The following MGRN1 variants were observed in gnomAD, a reference collection of about 807,000 sequenced individuals.
MGRN1 encodes the protein E3 ubiquitin-protein ligase MGRN1.
Under a neutral mutation model 69.2 loss-of-function variants are expected in MGRN1, and 29 were observed. The observed-to-expected ratio is 0.42, with a 90% confidence interval of 0.31 to 0.57. The LOEUF (loss-of-function observed/expected upper bound fraction) is 0.57, where lower values mean the gene tolerates loss of function less well. Among genes scored for constraint, MGRN1 ranks in the 20% least tolerant of loss-of-function variants. MGRN1 has a pLI of 0.15. For synonymous variants in MGRN1, 470 were observed against 344.2 expected (o/e 1.37, Z -4.04); for missense variants, 998 against 796.2 (o/e 1.25, Z -3.05).
chr16:4,628,921 C>T (rs1897842702), intron 1 of MGRN1, among the ~76,000 whole-genome samples: 1 of 152,144 alleles, frequency 6.6e-6, no homozygotes, highest in South Asian at 2.1e-4. Context: ...ACTGCAACCT[C>T]TGCCTCCTGG....
At chr16:4,641,929 A>T (rs895931835) in intron 1 of MGRN1, among the ~76,000 whole-genome samples, 4 of 151,918 alleles carry the variant, frequency 2.6e-5, no homozygotes, top group African/African-American at 9.7e-5. Flanking sequence ...TGCTGGGATT[A>T]TAGGCGTGAG....
At chr16:4,660,034 C>T (rs549266238) in intron 5 of MGRN1, among the ~76,000 whole-genome samples, 1 of 152,198 alleles carries the variant, frequency 6.6e-6, no homozygotes. Context: ...AGGAGGGAGA[C>T]GCTTCCCCGA....
chr16:4,672,816 C>T (rs1411967068), intron 9 of MGRN1, among the ~76,000 whole-genome samples: 6 of 152,182 alleles, frequency 3.9e-5, no homozygotes, highest in Non-Finnish European at 1.5e-5. Flanking sequence ...ATACTTCTAA[C>T]ATATTAACTT....
intron 12 of MGRN1, chr16:4,680,420 C>G (rs1255458542): frequency 6.3e-6 from 2 of 316,310 alleles, no homozygotes; most frequent in South Asian, 3.5e-5. Context: ...GTCGCTGCTG[C>G]GTTTTGCAAT....
At position 4,681,576 on chromosome 16, in the gene MGRN1, C is replaced by T. The variant is rs376085807; in HGVS notation, c.1158C>T (p.Tyr386=). 81 of 1,613,164 alleles carry T rather than the reference C, an allele frequency of 5.0e-5. No homozygotes were observed. The highest frequency in any genetic ancestry group is 1.6e-4 in the Middle Eastern group (1 of 6,082). The change falls in exon 13 of 17, where the codon TAC becomes TAT. Residue 386 remains tyrosine, a synonymous_variant. Coordinates refer to ENST00000262370, the MANE Select transcript of MGRN1 (RefSeq NM_015246.4). ...ACTCTGACAGCGTCCCACCTGGCTA[C>T]GAGCCCATCTCGCTGCTCGAGGCGC... The part of the protein sequence containing the change: ...ETNSDSVPPG[Y]EPISLLEALN...
intron 1 of MGRN1, among the ~76,000 whole-genome samples, chr16:4,646,089 G>A (rs935741345): frequency 6.6e-6 from 1 of 151,606 alleles, no homozygotes; most frequent in African/African-American, 2.4e-5. Flanking sequence ...TGAGGGTCGG[G>A]ATTGGGAGCG....
chr16:4,682,880 G>T lies in MGRN1; in HGVS notation c.1416G>T (p.Glu472Asp). The T allele has an allele frequency of 6.2e-7, 1 of 1,609,870 alleles. No individual in the cohort carries two copies. Among genetic ancestry groups the T allele is most frequent in the Non-Finnish European group, 8.5e-7 (1 of 1,177,120 alleles). ...AAGAGGATGAGGAGAAGCTCTCCGA[G>T]GACGTGGACGCCCCTCCCCCACTGG... ...IHEEDEEKLS[E>D]DVDAPPPLGG... The change falls in exon 14 of 17, where the codon GAG becomes GAT. Residue 472 changes from glutamate to aspartate, a missense_variant. Physicochemically the swap from Glu to Asp is conservative, Grantham distance 45 (BLOSUM62 2). Transcript: ENST00000262370.
rs752727879 is a variant in MGRN1 at position 4,650,387 on chromosome 16, T to C, written c.111T>C (p.Phe37=). 5 of 1,613,308 alleles carry C rather than the reference T, an allele frequency of 3.1e-6. No individual in the cohort carries two copies. Among genetic ancestry groups the C allele is most frequent in the Non-Finnish European group, 4.2e-6 (5 of 1,179,716 alleles). Residue 37 remains phenylalanine, a synonymous_variant, in exon 2 of 17, where the codon TTT becomes TTC. Coordinates refer to ENST00000262370, the MANE Select transcript of MGRN1 (RefSeq NM_015246.4). ...PKSGNYFASH[F]FMGGEKFDTP... ...CAGGAAACTACTTTGCTTCGCACTT[T>C]TTCATGGGAGGAGAGAAATTCGACA...
At chr16:4,638,058 G>A (rs964625198) in intron 1 of MGRN1, among the ~76,000 whole-genome samples, 6 of 152,348 alleles carry the variant, frequency 3.9e-5, no homozygotes, top group Admixed American at 2.6e-4. Context: ...TGGGAGGTCC[G>A]AAAGGGACTT....
Position 4,688,703 on chromosome 16 carries a change from G to A in MGRN1, c.1619-93G>A, listed in dbSNP as rs2079390940. On this transcript the variant is annotated intron_variant, in intron 16 of 16. Coordinates refer to ENST00000262370, the MANE Select transcript of MGRN1 (RefSeq NM_015246.4). Reference sequence around the variant, plus strand: ...GCGGCGGGAGTGGGGGTGCTGGATGGCCCAGCCCCTCTGGGGCTCCAGATC... The same window carrying A: ...GCGGCGGGAGTGGGGGTGCTGGATGACCCAGCCCCTCTGGGGCTCCAGATC... 5.4e-6 allele frequency: 8 copies of A among 1,469,502 alleles called. No homozygotes were observed. In the Admixed American group the frequency reaches 1.7e-4, roughly 31 times the overall value. The allele number at this position is 1,469,502 out of a possible 1,614,324, so 91.0% of individuals were successfully genotyped here. A position where few individuals can be genotyped will look rare whatever the true frequency, so the allele number is the denominator to read the frequency against.
chr16:4,644,468 G>A (rs1340214016), intron 1 of MGRN1, among the ~76,000 whole-genome samples: 2 of 151,658 alleles, frequency 1.3e-5, no homozygotes, highest in Non-Finnish European at 2.9e-5. Context: ...ACACCACCAC[G>A]CCTGGGTAAT....
At chr16:4,627,148 G>A (rs936110285) in intron 1 of MGRN1, among the ~76,000 whole-genome samples, 22 of 152,318 alleles carry the variant, frequency 1.4e-4, no homozygotes, top group Non-Finnish European at 1.9e-4. Flanking sequence ...AGGGCAGACC[G>A]GGGACCGTGG....
chr16:4,637,011 T>G (rs977769865), intron 1 of MGRN1, among the ~76,000 whole-genome samples: 1 of 148,088 alleles, frequency 6.8e-6, no homozygotes, highest in African/African-American at 2.5e-5. Context: ...CCCAGCTACT[T>G]GGGAGGCTGA....
At chr16:4,666,417 C>G (rs1236682253) in intron 7 of MGRN1, among the ~76,000 whole-genome samples, 2 of 152,320 alleles carry the variant, frequency 1.3e-5, no homozygotes, top group Admixed American at 1.3e-4. Flanking sequence ...CAAGCGTGAG[C>G]CACCGTACCT....
intron 7 of MGRN1, 47 bp downstream of exon 7, chr16:4,665,198 C>T (rs1567212045): frequency 1.9e-6 from 3 of 1,605,054 alleles, no homozygotes; most frequent in Admixed American, 1.7e-5. Flanking sequence ...GGGAGCTGGG[C>T]AGGGGGTGGC....
Position 4,690,629 on chromosome 16 carries a change from C to T in MGRN1, c.*1721C>T, listed in dbSNP as rs746334671. The T allele has an allele frequency of 6.6e-6, 1 of 152,386 alleles. No individual in the cohort carries two copies. The highest frequency in any genetic ancestry group is 1.5e-5 in the Non-Finnish European group (1 of 68,122). 9.4% of individuals were successfully genotyped at this position (152,386 alleles called of 1,614,324 possible). A position where few individuals can be genotyped will look rare whatever the true frequency, so the allele number is the denominator to read the frequency against. On this transcript the variant is annotated 3_prime_UTR_variant, in exon 17 of 17. Transcript: ENST00000262370. ...TCACACATGCACACTCACGCTCACA[C>T]ATGCTGTCACGCATACACACACGCA...
At chr16:4,641,771 G>A (rs554026037) in intron 1 of MGRN1, among the ~76,000 whole-genome samples, 172 of 151,770 alleles carry the variant, frequency 1.1e-3, no homozygotes, top group Middle Eastern at 3.4e-3. Flanking sequence ...CGCCTGCCTC[G>A]GCCTCCCAAA....
intron 5 of MGRN1, among the ~76,000 whole-genome samples, chr16:4,662,923 A>T (rs2078715097): frequency 6.6e-6 from 1 of 152,170 alleles, no homozygotes; most frequent in African/African-American, 2.4e-5. Flanking sequence ...TGCTGCAGAC[A>T]TGGAGGGGCT....
rs757204916 is a variant in MGRN1 at position 4,664,742 on chromosome 16, G to A, written c.595G>A (p.Val199Ile). ...NFDLDRGVFPVVIQAVVDEGD... is the reference protein window; with the variant it reads ...NFDLDRGVFPIVIQAVVDEGD... ...TGACCTGGACCGGGGCGTGTTTCCAGTAGTCATCCAGGCTGTGGTGGACGA... is the reference window on the plus strand; with the variant it reads ...TGACCTGGACCGGGGCGTGTTTCCAATAGTCATCCAGGCTGTGGTGGACGA... The change falls in exon 6 of 17, where the codon GTA becomes ATA. Residue 199 changes from valine to isoleucine, a missense_variant. Physicochemically the swap from Val to Ile is conservative, Grantham distance 29 (BLOSUM62 3). Transcript: ENST00000262370. The A allele has an allele frequency of 2.5e-6, 4 of 1,614,114 alleles. No individual in the cohort carries two copies. In the African/African-American group the frequency reaches 4.0e-5, roughly 16 times the overall value.
Sources: allele counts gnomAD v4.1 joint callset (sites outside exome capture counted in the v4.1 genomes callset), GRCh38; gene constraint gnomAD v4.1.1; transcripts MANE v1.5; gene names NCBI Gene and HGNC (gene_info 2026-07-23, HGNC 2026-07-21).